The following TGS1 variants were observed in gnomAD, a reference collection of about 807,000 sequenced individuals.
TGS1 encodes trimethylguanosine synthase.
Under a neutral mutation model 92.2 loss-of-function variants are expected in TGS1, and 69 were observed. The observed-to-expected ratio is 0.75, with a 90% CI of 0.62 to 0.91. The LOEUF (loss-of-function observed/expected upper bound fraction) is 0.91, where lower values mean the gene tolerates loss of function less well. Among genes scored for constraint, TGS1 ranks in the 40% least tolerant of loss-of-function variants. The pLI, the probability that TGS1 is intolerant of heterozygous loss-of-function variation, is 0.00. For missense variants in TGS1, 1,062 were observed against 1,001.2 expected (o/e 1.06, Z -0.82); for synonymous variants, 345 against 338.1 (o/e 1.02, Z -0.22).
At chr8:55,787,672 A>C (rs1475835299) in intron 4 of TGS1, among the ~76,000 whole-genome samples, 1 of 152,234 alleles carries the variant, frequency 6.6e-6, no homozygotes, top group African/African-American at 2.4e-5. Flanking sequence ...GAAAGGAGTT[A>C]ATCTGAGTAC....
chr8:55,777,691 C>T (rs1811439297), intron 1 of TGS1, among the ~76,000 whole-genome samples: 1 of 151,984 alleles, frequency 6.6e-6, no homozygotes, highest in Admixed American at 6.6e-5. Flanking sequence ...AGGAGTGCAC[C>T]ACCATACCCG....
intron 9 of TGS1, among the ~76,000 whole-genome samples, chr8:55,804,443 A>G (rs1812306713): frequency 1.3e-5 from 2 of 151,922 alleles, no homozygotes; most frequent in South Asian, 2.1e-4. Flanking sequence ...ACTGTCTCCA[A>G]AAAAAAATGG....
At chr8:55,790,056 G>A (rs1267395603) in intron 4 of TGS1, 126 bp from the exon 5 acceptor site, 7 of 664,370 alleles carry the variant, frequency 1.1e-5, no homozygotes, top group Non-Finnish European at 1.6e-5. Flanking sequence ...ATGTGAGCTG[G>A]CACTTTGATG....
intron 12 of TGS1, among the ~76,000 whole-genome samples, chr8:55,816,911 A>C (rs1424080953): frequency 6.6e-6 from 1 of 151,330 alleles, no homozygotes. Context: ...CCCAGGCCAG[A>C]GTGCAGTGGT....
chr8:55,796,016 G>A lies in TGS1; in HGVS notation c.1406G>A (p.Arg469Lys). 6.2e-7 allele frequency: 1 copy of A among 1,613,646 alleles called. No homozygotes were observed. Among genetic ancestry groups the A allele is most frequent in the Non-Finnish European group, 8.5e-7 (1 of 1,179,804 alleles). Residue 469 changes from arginine to lysine, a missense_variant, in exon 7 of 13, where the codon AGG becomes AAG. Physicochemically the swap from Arg to Lys is conservative, Grantham distance 26. Coordinates refer to ENST00000260129, the MANE Select transcript of TGS1 (RefSeq NM_024831.8). ...GIPNFSHRQVRYLEKNVKLKS... is the reference protein window; with the variant it reads ...GIPNFSHRQVKYLEKNVKLKS... ...CCAAATTTCAGTCATCGGCAGGTCA[G>A]GTATTTAGAGAAGAATGTGAAGCTT...
At chr8:55,816,752 T>C (rs988792137) in intron 12 of TGS1, among the ~76,000 whole-genome samples, 2 of 152,194 alleles carry the variant, frequency 1.3e-5, no homozygotes, top group African/African-American at 4.8e-5. Context: ...AAATCCTACC[T>C]TTTTTGTTTC....
intron 6 of TGS1, among the ~76,000 whole-genome samples, chr8:55,794,101 C>G (rs1045419940): frequency 6.6e-6 from 1 of 152,176 alleles, no homozygotes; most frequent in Non-Finnish European, 1.5e-5. Flanking sequence ...TTAACAACAT[C>G]TAAATTGTTT....
chr8:55,800,404 G>A (rs1812187205), intron 8 of TGS1, among the ~76,000 whole-genome samples: 1 of 152,182 alleles, frequency 6.6e-6, no homozygotes, highest in South Asian at 2.1e-4. Flanking sequence ...AAAGCTGAGA[G>A]AAATTTAAAA....
chr8:55,797,380 G>T (rs1220372429), intron 7 of TGS1, among the ~76,000 whole-genome samples: 1 of 152,152 alleles, frequency 6.6e-6, no homozygotes, highest in African/African-American at 2.4e-5. Context: ...CCCACAACAC[G>T]TGGGGATTAT....
chr8:55,816,657 G>A (rs1017708654), intron 12 of TGS1, among the ~76,000 whole-genome samples: 1 of 152,124 alleles, frequency 6.6e-6, no homozygotes, highest in African/African-American at 2.4e-5. Flanking sequence ...ACTGTATCAT[G>A]TTAATTCCTG....
chr8:55,820,146 G>C (rs1349464904), intron 12 of TGS1, among the ~76,000 whole-genome samples: 2 of 152,156 alleles, frequency 1.3e-5, no homozygotes, highest in Non-Finnish European at 2.9e-5. Context: ...AAGTGTATCT[G>C]TCATTAGTAA....
Position 55,821,268 on chromosome 8 carries a change from G to A in TGS1, c.2440-3313G>A, listed in dbSNP as rs118059133. On this transcript the variant is annotated intron_variant, in intron 12 of 12. Transcript: ENST00000260129. ...TATTTGTTTTATTTGTCCGTCATCT[G>A]ACTCTCCCAGCCAGAATGTAAAATT... is the stretch of plus-strand genomic sequence containing the variant. 7.9e-3 allele frequency among the ~76,000 whole-genome samples: 1,201 copies of A among 152,232 alleles called. 9 individuals carry two copies. The highest frequency in any genetic ancestry group is 0.02 in the Middle Eastern group (6 of 294).
intron 11 of TGS1, among the ~76,000 whole-genome samples, chr8:55,812,023 C>T (rs1259149803): frequency 2.0e-5 from 3 of 152,078 alleles, no homozygotes; most frequent in South Asian, 4.1e-4. Context: ...TGGAGTTTGT[C>T]GGTAACCATT....
chr8:55,823,646 A>T (rs1021030023), intron 12 of TGS1, among the ~76,000 whole-genome samples: 15 of 152,158 alleles, frequency 9.9e-5, no homozygotes, highest in African/African-American at 1.7e-4. Flanking sequence ...CAGAGCTAGG[A>T]TTATGTAGCA....
intron 12 of TGS1, among the ~76,000 whole-genome samples, chr8:55,817,919 C>T (rs773728359): frequency 1.3e-5 from 2 of 152,214 alleles, no homozygotes; most frequent in Non-Finnish European, 2.9e-5. Context: ...CTGGCACACA[C>T]ACTTAGGGTG....
At chr8:55,800,968 C>T (rs1029455544) in intron 8 of TGS1, among the ~76,000 whole-genome samples, 11 of 152,060 alleles carry the variant, frequency 7.2e-5, no homozygotes, top group African/African-American at 2.4e-4. Context: ...AACCAAATAA[C>T]CAAACTGATA....
chr8:55,801,042 A>G (rs1045804736), intron 8 of TGS1, among the ~76,000 whole-genome samples: 3 of 152,244 alleles, frequency 2.0e-5, no homozygotes, highest in Admixed American at 6.5e-5. Flanking sequence ...GAATGGAGCT[A>G]GTGACCCTTG....
At chr8:55,811,920 T>G (rs1803351604) in intron 11 of TGS1, among the ~76,000 whole-genome samples, 1 of 152,188 alleles carries the variant, frequency 6.6e-6, no homozygotes, top group Admixed American at 6.5e-5. Context: ...TTCCGTTGCT[T>G]GCTATTCAAT....
At chr8:55,782,326 C>T (rs781029341) in intron 1 of TGS1, among the ~76,000 whole-genome samples, 4 of 152,116 alleles carry the variant, frequency 2.6e-5, no homozygotes, top group African/African-American at 7.2e-5. Context: ...GGATTGTAGG[C>T]GCCTGCCACC....
Sources: gnomAD v4.1 joint callset for allele counts (sites outside exome capture counted in the v4.1 genomes callset) on GRCh38, gnomAD v4.1.1 for gene constraint, MANE v1.5 for transcripts, NCBI Gene and HGNC (gene_info 2026-07-23, HGNC 2026-07-21) for gene names.